CNTN5: variants seen among roughly 807,000 people sequenced by gnomAD.
CNTN5 encodes the protein contactin-5.
In CNTN5, 77 loss-of-function variants were observed where a neutral mutation model predicts 129.1. The ratio of observed to expected loss-of-function variants is 0.60; its 90% CI spans 0.50 to 0.72. The LOEUF is 0.72. Among genes scored for constraint, CNTN5 ranks in the 30% least tolerant of loss-of-function variants. The pLI is 0.00. For missense variants in CNTN5, 1,478 were observed against 1,328.8 expected (o/e 1.11, Z -1.75); for synonymous variants, 509 against 465.6 (o/e 1.09, Z -1.20).
intron 1 of CNTN5, among the ~76,000 whole-genome samples, chr11:99,218,416 G>T (rs74521112): frequency 0.02 from 3,021 of 152,062 alleles, 40 homozygotes; most frequent in Non-Finnish European, 0.026. Context: ...ATGTGTTCTT[G>T]ATTTCTAGAA....
At chr11:100,001,246 A>G (rs1035525135) in intron 8 of CNTN5, among the ~76,000 whole-genome samples, 1 of 152,206 alleles carries the variant, frequency 6.6e-6, no homozygotes, top group African/African-American at 2.4e-5. Context: ...ACGTGGTGGC[A>G]GAAGAGACGA....
At chr11:100,351,321 T>C (rs1952406368) in intron 24 of CNTN5, among the ~76,000 whole-genome samples, 2 of 151,642 alleles carry the variant, frequency 1.3e-5, no homozygotes, top group African/African-American at 4.8e-5. Context: ...TAAATTTTAT[T>C]GTACATTATT....
At chr11:99,979,473 G>A (rs1327348283) in intron 8 of CNTN5, among the ~76,000 whole-genome samples, 1 of 152,108 alleles carries the variant, frequency 6.6e-6, no homozygotes, top group African/African-American at 2.4e-5. Context: ...TGAAGAAGAA[G>A]TAGAACATCC....
At chr11:99,928,813 A>G (rs1282722963) in intron 7 of CNTN5, among the ~76,000 whole-genome samples, 1 of 152,244 alleles carries the variant, frequency 6.6e-6, no homozygotes, top group African/African-American at 2.4e-5. Flanking sequence ...ATATTTCTGC[A>G]GCTGGCTTGA....
chr11:100,276,817 A>G (rs2138803125), intron 18 of CNTN5, among the ~76,000 whole-genome samples: 1 of 152,066 alleles, frequency 6.6e-6, no homozygotes, highest in East Asian at 1.9e-4. Flanking sequence ...CAAACAATCC[A>G]ATAATACACT....
chr11:99,440,215 G>C (rs888786514), intron 2 of CNTN5, among the ~76,000 whole-genome samples: 1 of 151,992 alleles, frequency 6.6e-6, no homozygotes, highest in African/African-American at 2.4e-5. Flanking sequence ...CTAATTTTTA[G>C]TGAATTAAGT....
intron 13 of CNTN5, among the ~76,000 whole-genome samples, chr11:100,176,997 A>C (rs6590636): frequency 0.67 from 101,305 of 151,564 alleles, 34,950 homozygotes; most frequent in African/African-American, 0.83. Flanking sequence ...TGGTGAAGAT[A>C]TTCAGCTCTT....
intron 3 of CNTN5, among the ~76,000 whole-genome samples, chr11:99,746,974 T>C (rs1944073988): frequency 6.6e-6 from 1 of 152,256 alleles, no homozygotes; most frequent in African/African-American, 2.4e-5. Context: ...ATTGGAATTT[T>C]GATAGGGATT....
intron 8 of CNTN5, among the ~76,000 whole-genome samples, chr11:99,972,837 C>A (rs1373938589): frequency 6.6e-6 from 1 of 152,082 alleles, no homozygotes; most frequent in Non-Finnish European, 1.5e-5. Context: ...ATTATCCTCA[C>A]CCCATATATC....
chr11:99,678,158 TA>T (rs1285462826), intron 3 of CNTN5, among the ~76,000 whole-genome samples: 1 of 152,106 alleles, frequency 6.6e-6, no homozygotes, highest in East Asian at 1.9e-4. Context: ...ACACACACAT[TA>T]TAAAAGTATT....
At chr11:99,711,638 C>A (rs539377301) in intron 3 of CNTN5, among the ~76,000 whole-genome samples, 3 of 151,922 alleles carry the variant, frequency 2.0e-5, no homozygotes, top group Non-Finnish European at 4.4e-5. Flanking sequence ...CCTAGCCCCC[C>A]ACCCCTTGAC....
chr11:99,903,890 T>C (rs931621913), intron 6 of CNTN5, among the ~76,000 whole-genome samples: 1 of 151,958 alleles, frequency 6.6e-6, no homozygotes, highest in African/African-American at 2.4e-5. Flanking sequence ...AAACAAGACA[T>C]GCAAATGGGC....
At chr11:99,076,899 T>A (rs952521979) in intron 1 of CNTN5, among the ~76,000 whole-genome samples, 3 of 152,204 alleles carry the variant, frequency 2.0e-5, no homozygotes, top group African/African-American at 7.2e-5. Flanking sequence ...ATTGTGTATT[T>A]TCATTTCTTT....
chr11:99,846,877 T>G (rs538915695), intron 6 of CNTN5, among the ~76,000 whole-genome samples: 1 of 152,316 alleles, frequency 6.6e-6, no homozygotes, highest in South Asian at 2.1e-4. Flanking sequence ...TAGGTACATT[T>G]ACATAGGCCA....
In CNTN5 at chr11:99,365,022, G is replaced by A. The variant is rs374889857; in HGVS notation, c.-71+39538G>A. 3.3e-5 allele frequency among the ~76,000 whole-genome samples: 5 copies of A among 152,118 alleles called. No homozygotes were observed. In the South Asian group the frequency reaches 6.2e-4, roughly 19 times the overall value. On this transcript the variant is annotated intron_variant, in intron 2 of 24. Coordinates refer to ENST00000524871, the MANE Select transcript of CNTN5 (RefSeq NM_014361.4). ...GCTGTTGCATCTGCTTAGGTGCAAT[G>A]GAATAAAAAACCTAATTAAGGATCT... is the stretch of plus-strand genomic sequence containing the variant.
At chr11:99,886,743 A>G (rs913441521) in intron 6 of CNTN5, among the ~76,000 whole-genome samples, 4 of 152,252 alleles carry the variant, frequency 2.6e-5, no homozygotes, top group African/African-American at 9.6e-5. Context: ...AATATGTTAC[A>G]GCAGTGAAAA....
At chr11:99,445,958 C>T (rs1944048711) in intron 2 of CNTN5, among the ~76,000 whole-genome samples, 1 of 151,920 alleles carries the variant, frequency 6.6e-6, no homozygotes, top group Non-Finnish European at 1.5e-5. Flanking sequence ...GTGGCAGGCT[C>T]CTGTAATCCC....
At chr11:99,684,880 T>C (rs1169315338) in intron 3 of CNTN5, among the ~76,000 whole-genome samples, 6 of 151,644 alleles carry the variant, frequency 4.0e-5, no homozygotes, top group African/African-American at 1.5e-4. Context: ...AAAATTTTAG[T>C]AATTGTTGGA....
chr11:99,246,637 T>C (rs1288109052), intron 1 of CNTN5, among the ~76,000 whole-genome samples: 1 of 152,098 alleles, frequency 6.6e-6, no homozygotes, highest in Non-Finnish European at 1.5e-5. Flanking sequence ...TAAACTCGAG[T>C]GTGAAATCAC....
Sources: allele counts gnomAD v4.1 joint callset (sites outside exome capture counted in the v4.1 genomes callset), GRCh38; gene constraint gnomAD v4.1.1; transcripts MANE v1.5; gene names NCBI Gene and HGNC (gene_info 2026-07-23, HGNC 2026-07-21).